MEIKIN: variants seen among roughly 807,000 people sequenced by gnomAD.
MEIKIN encodes the protein meiotic kinetochore factor, also known as meiosis-specific kinetochore protein.
intron 8 of MEIKIN, among the ~76,000 whole-genome samples, chr5:131,895,403 A>G (rs1751020772): frequency 6.6e-6 from 1 of 152,208 alleles, no homozygotes; most frequent in Non-Finnish European, 1.5e-5. Context: ...CTGGCCTCAT[A>G]AAATGAGTTA....
At chr5:131,818,328 C>T (rs192550357) in intron 12 of MEIKIN, among the ~76,000 whole-genome samples, 1 of 152,270 alleles carries the variant, frequency 6.6e-6, no homozygotes, top group Non-Finnish European at 1.5e-5. Flanking sequence ...ATATATTTTA[C>T]ATTAGTGCCA....
chr5:131,861,940 G>T (rs751490555), intron 9 of MEIKIN, among the ~76,000 whole-genome samples: 24 of 152,148 alleles, frequency 1.6e-4, no homozygotes, highest in Non-Finnish European at 3.4e-4. Flanking sequence ...GTTTAGTTTT[G>T]GAATCAGGGT....
At chr5:131,914,062 G>C (rs1360339618) in intron 7 of MEIKIN, among the ~76,000 whole-genome samples, 1 of 152,120 alleles carries the variant, frequency 6.6e-6, no homozygotes, top group African/African-American at 2.4e-5. Context: ...TGGTACGATT[G>C]GCTTTACAAG....
intron 12 of MEIKIN, among the ~76,000 whole-genome samples, chr5:131,812,379 A>C (rs898498365): frequency 6.6e-6 from 1 of 152,034 alleles, no homozygotes; most frequent in African/African-American, 2.4e-5. Context: ...ATTCTAGTAG[A>C]TATTTTTTGG....
chr5:131,931,690 C>G (rs1308452284), intron 5 of MEIKIN, among the ~76,000 whole-genome samples: 1 of 152,110 alleles, frequency 6.6e-6, no homozygotes, highest in East Asian at 1.9e-4. Flanking sequence ...CCATGCTTGC[C>G]AGGATGCAGG....
At chr5:131,889,694 A>G (rs1750871564) in intron 8 of MEIKIN, among the ~76,000 whole-genome samples, 1 of 152,132 alleles carries the variant, frequency 6.6e-6, no homozygotes, top group African/African-American at 2.4e-5. Flanking sequence ...CTAATTGAAT[A>G]CCGTTTATTT....
At chr5:131,926,926 C>T (rs1751596499) in intron 5 of MEIKIN, among the ~76,000 whole-genome samples, 1 of 152,056 alleles carries the variant, frequency 6.6e-6, no homozygotes. Flanking sequence ...AAAAGTTTGT[C>T]AAACTTGTCT....
At chr5:131,878,955 A>C (rs1425038294) in intron 9 of MEIKIN, 23 bp downstream of exon 9, 5 of 397,796 alleles carry the variant, frequency 1.3e-5, no homozygotes, top group East Asian at 1.1e-4. Context: ...TGATTTATGT[A>C]GTTATTCTGC....
At chr5:131,828,988 C>G (rs1749663891) in intron 11 of MEIKIN, among the ~76,000 whole-genome samples, 1 of 151,728 alleles carries the variant, frequency 6.6e-6, no homozygotes, top group Non-Finnish European at 1.5e-5. Flanking sequence ...ATAAAATAAG[C>G]TGAAAGAAAA....
At chr5:131,913,047 T>A (rs868210042) in intron 7 of MEIKIN, among the ~76,000 whole-genome samples, 13 of 152,228 alleles carry the variant, frequency 8.5e-5, no homozygotes, top group African/African-American at 2.9e-4. Flanking sequence ...TTGGTATCTC[T>A]GGGATATGAC....
At chr5:131,847,632 A>T (rs568084379) in intron 11 of MEIKIN, among the ~76,000 whole-genome samples, 1 of 152,242 alleles carries the variant, frequency 6.6e-6, no homozygotes, top group South Asian at 2.1e-4. Flanking sequence ...TTGATAGAAT[A>T]ACCAGGCAGA....
intron 9 of MEIKIN, among the ~76,000 whole-genome samples, chr5:131,871,163 G>C (rs549334983): frequency 3.1e-4 from 47 of 152,278 alleles, no homozygotes; most frequent in Admixed American, 1.4e-3. Flanking sequence ...CCGGACAGTG[G>C]GTGCAGTGCA....
At position 131,824,241 on chromosome 5, in the gene MEIKIN, G is replaced by A. The variant is rs565793149; in HGVS notation, c.976-5378C>T. On this transcript the variant is annotated intron_variant, in intron 11 of 12. Transcript: ENST00000442687. ...ATCAGGAATAAAATGCAGGCCAGGC[G>A]TGGTGGCTCACACTTGTAATCCCAG... Among the ~76,000 whole-genome samples, 174 of 152,186 alleles carry A rather than the reference G, an allele frequency of 1.1e-3. 2 individuals are homozygous for A. The highest frequency in any genetic ancestry group is 3.4e-4 in the Non-Finnish European group (23 of 68,006).
chr5:131,916,245 G>A (rs1285866508), intron 7 of MEIKIN, among the ~76,000 whole-genome samples: 1 of 152,070 alleles, frequency 6.6e-6, no homozygotes, highest in Non-Finnish European at 1.5e-5. Context: ...ATTTACAATT[G>A]TCACTGTCAT....
intron 8 of MEIKIN, among the ~76,000 whole-genome samples, chr5:131,893,455 G>A (rs1279861919): frequency 2.6e-5 from 4 of 152,222 alleles, no homozygotes; most frequent in African/African-American, 4.8e-5. Flanking sequence ...CAGTATTAGC[G>A]TGGGAGCGAC....
chr5:131,831,690 C>T (rs1206095357), intron 11 of MEIKIN, among the ~76,000 whole-genome samples: 1 of 152,034 alleles, frequency 6.6e-6, no homozygotes, highest in Non-Finnish European at 1.5e-5. Context: ...AAGACATACC[C>T]GAGACTGGGA....
chr5:131,932,044 T>C (rs1751700468), intron 5 of MEIKIN, among the ~76,000 whole-genome samples: 1 of 152,186 alleles, frequency 6.6e-6, no homozygotes, highest in South Asian at 2.1e-4. Flanking sequence ...TATCTTTAGA[T>C]ATTTTCTTCT....
intron 9 of MEIKIN, among the ~76,000 whole-genome samples, chr5:131,866,974 A>G (rs956919142): frequency 6.6e-6 from 1 of 152,098 alleles, no homozygotes; most frequent in African/African-American, 2.4e-5. Flanking sequence ...AGTATATCTC[A>G]TCTTAAAAGA....
At chr5:131,815,058 C>T (rs1016846683) in intron 12 of MEIKIN, among the ~76,000 whole-genome samples, 1 of 152,172 alleles carries the variant, frequency 6.6e-6, no homozygotes, top group Non-Finnish European at 1.5e-5. Context: ...TACAGATTTG[C>T]CTTCCTCATA....
Sources: allele counts gnomAD v4.1 joint callset (sites outside exome capture counted in the v4.1 genomes callset), GRCh38; gene constraint gnomAD v4.1.1; transcripts MANE v1.5; gene names NCBI Gene and HGNC (gene_info 2026-07-23, HGNC 2026-07-21).